SLC44A5: variants seen among roughly 807,000 people sequenced by gnomAD.
SLC44A5 encodes the protein solute carrier family 44 member 5, also known as choline transporter-like protein 5.
In SLC44A5, 57 loss-of-function variants were observed where a neutral mutation model predicts 101.8. The ratio of observed to expected loss-of-function variants is 0.56; its 90% CI spans 0.45 to 0.70. The LOEUF is 0.70. Ranked by LOEUF, SLC44A5 falls within the 30% of genes least tolerant of loss-of-function variation. The pLI is 0.00. For synonymous variants in SLC44A5, 281 were observed against 290.9 expected, an observed-to-expected ratio of 0.97 and a Z score of 0.35; for missense variants, 737 against 853.1, an observed-to-expected ratio of 0.86 and a Z score of 1.70.
chr1:75,503,481 A>C (rs1366768677), intron 2 of SLC44A5, among the ~76,000 whole-genome samples: 1 of 151,636 alleles, frequency 6.6e-6, no homozygotes, highest in Non-Finnish European at 1.5e-5. Context: ...CTTCCTCTTC[A>C]CCCTTCTGCC....
the SLC44A5 span, among the ~76,000 whole-genome samples, chr1:75,656,288 A>C: frequency 5.9e-5 from 9 of 152,366 alleles, no homozygotes; most frequent in Non-Finnish European, 1.0e-4. Context: ...AGAAATAGAC[A>C]CTTACATGTA....
At chr1:75,544,977 A>T (rs887710573) in intron 1 of SLC44A5, among the ~76,000 whole-genome samples, 1 of 152,056 alleles carries the variant, frequency 6.6e-6, no homozygotes, top group African/African-American at 2.4e-5. Flanking sequence ...AATCTACATT[A>T]GGTATTTCTC....
At chr1:75,478,337 G>A (rs1346656415) in intron 2 of SLC44A5, among the ~76,000 whole-genome samples, 1 of 152,194 alleles carries the variant, frequency 6.6e-6, no homozygotes, top group African/African-American at 2.4e-5. Flanking sequence ...GGAAGAAACT[G>A]CATGAACTAA....
At chr1:75,682,172 A>T in the SLC44A5 span, among the ~76,000 whole-genome samples, 1 of 152,212 alleles carries the variant, frequency 6.6e-6, no homozygotes, top group African/African-American at 2.4e-5. Context: ...GAAAATGGCC[A>T]TACTGCCCAA....
At chr1:75,579,972 T>A (rs1462135853) in intron 1 of SLC44A5, among the ~76,000 whole-genome samples, 1 of 152,128 alleles carries the variant, frequency 6.6e-6, no homozygotes, top group Non-Finnish European at 1.5e-5. Context: ...ATTCAGCATG[T>A]AAGGAGCAAG....
intron 3 of SLC44A5, among the ~76,000 whole-genome samples, chr1:75,376,983 G>T (rs1220883713): frequency 6.6e-5 from 10 of 152,168 alleles, no homozygotes; most frequent in Admixed American, 6.5e-4. Context: ...AGTGCTTAAA[G>T]GAGCTGATGG....
intron 1 of SLC44A5, among the ~76,000 whole-genome samples, chr1:75,577,942 A>G (rs1231764813): frequency 6.6e-6 from 1 of 152,022 alleles, no homozygotes; most frequent in Non-Finnish European, 1.5e-5. Context: ...CCCAATATAT[A>G]CTGTGATTAT....
At chr1:75,437,831 G>A (rs10493575) in intron 2 of SLC44A5, among the ~76,000 whole-genome samples, 15,653 of 152,138 alleles carry the variant, frequency 0.1, 970 homozygotes, top group Admixed American at 0.19. Flanking sequence ...TATTTCTGAG[G>A]AGAGATTGTT....
chr1:75,453,067 C>G (rs2101666633), intron 2 of SLC44A5, among the ~76,000 whole-genome samples: 1 of 152,240 alleles, frequency 6.6e-6, no homozygotes, highest in South Asian at 2.1e-4. Flanking sequence ...AATACTCCAT[C>G]TAGCAACCAC....
the SLC44A5 span, among the ~76,000 whole-genome samples, chr1:75,722,514 T>C: frequency 3.9e-4 from 60 of 152,270 alleles, no homozygotes; most frequent in Non-Finnish European, 8.1e-4. Context: ...GTAGTTACGA[T>C]CTAGGCACAA....
At chr1:75,467,930 T>C (rs1458350686) in intron 2 of SLC44A5, among the ~76,000 whole-genome samples, 1 of 148,212 alleles carries the variant, frequency 6.7e-6, no homozygotes, top group Non-Finnish European at 1.5e-5. Flanking sequence ...CAAACAACCA[T>C]ACGACAAGAG....
chr1:75,348,502 A>G (rs896045086), intron 3 of SLC44A5, among the ~76,000 whole-genome samples: 5 of 152,182 alleles, frequency 3.3e-5, no homozygotes, highest in Non-Finnish European at 7.3e-5. Context: ...GCACTAAGCG[A>G]AAAGATGAGG....
chr1:75,331,210 T>C (rs1318310614), intron 4 of SLC44A5, among the ~76,000 whole-genome samples: 1 of 152,116 alleles, frequency 6.6e-6, no homozygotes, highest in African/African-American at 2.4e-5. Flanking sequence ...GCCCTCATTT[T>C]ATTCTTCACT....
chr1:75,361,527 A>T lies in SLC44A5; in HGVS notation c.53-21897T>A, dbSNP rs1158802144. 1.2e-4 allele frequency among the ~76,000 whole-genome samples: 19 copies of T among 152,174 alleles called. No homozygotes were observed. The East Asian group carries it at 3.7e-3, about 29-fold the overall frequency. On this transcript the variant is annotated intron_variant, in intron 3 of 23. Coordinates refer to ENST00000370859, the MANE Select transcript of SLC44A5 (RefSeq NM_001130058.2). The stretch of plus-strand genomic sequence containing the variant: ...TTGTGTTGAGGCACATTTCCTCTAT[A>T]CCTAATCTGTTGAGAGTTTTTATCA...
chr1:75,445,969 A>C (rs1665550112), intron 2 of SLC44A5, among the ~76,000 whole-genome samples: 1 of 152,132 alleles, frequency 6.6e-6, no homozygotes, highest in Non-Finnish European at 1.5e-5. Context: ...TGTACCTCAC[A>C]TCCAATCCAT....
At chr1:75,718,439 G>A in the SLC44A5 span, among the ~76,000 whole-genome samples, 1 of 152,164 alleles carries the variant, frequency 6.6e-6, no homozygotes, top group Non-Finnish European at 1.5e-5. Flanking sequence ...TACTTGAGAG[G>A]CATTTCTGCC....
At chr1:75,480,059 C>G (rs1667734173) in intron 2 of SLC44A5, among the ~76,000 whole-genome samples, 1 of 152,232 alleles carries the variant, frequency 6.6e-6, no homozygotes, top group Non-Finnish European at 1.5e-5. Context: ...CCACCATGAT[C>G]AAGTGGGCTT....
At chr1:75,638,396 A>G in the SLC44A5 span, among the ~76,000 whole-genome samples, 1 of 152,074 alleles carries the variant, frequency 6.6e-6, no homozygotes, top group African/African-American at 2.4e-5. Flanking sequence ...CAGTGTTAAT[A>G]TGTATTAAAG....
intron 6 of SLC44A5, among the ~76,000 whole-genome samples, chr1:75,267,563 T>A (rs1255298300): frequency 1.3e-5 from 2 of 152,106 alleles, no homozygotes; most frequent in African/African-American, 2.4e-5. Flanking sequence ...TTTATTTTTT[T>A]AAATTCAAAC....
Sources: allele counts gnomAD v4.1 joint callset (sites outside exome capture counted in the v4.1 genomes callset), GRCh38; gene constraint gnomAD v4.1.1; transcripts MANE v1.5; gene names NCBI Gene and HGNC (gene_info 2026-07-23, HGNC 2026-07-21).